The following ANKHD1 variants were observed in gnomAD, a reference collection of about 807,000 sequenced individuals.
ANKHD1 encodes the protein ankyrin repeat and KH domain-containing protein 1.
In ANKHD1, 31 loss-of-function variants were observed where a neutral mutation model predicts 230.5. The ratio of observed to expected loss-of-function variants is 0.13; its 90% CI spans 0.10 to 0.18. The LOEUF (loss-of-function observed/expected upper bound fraction) is 0.18, where lower values mean the gene tolerates loss of function less well. ANKHD1 is among the 10% of genes least tolerant of loss of function. ANKHD1 has a pLI of 1.00. For synonymous variants in ANKHD1, 1,074 were observed against 1,117.6 expected, an observed-to-expected ratio of 0.96 and a Z score of 0.78; for missense variants, 2,256 against 3,071.3, an observed-to-expected ratio of 0.73 and a Z score of 6.27.
chr5:140,496,464 T>TTG, intron 14 of ANKHD1, 56 bp from the exon 15 acceptor site: 2 of 852,194 alleles, frequency 2.3e-6, no homozygotes, highest in Admixed American at 5.2e-5. Context: ...TTCTTTTCTT[T>TTG]TTTTTTTTTT....
At chr5:140,477,426 C>T (rs1751029359) in intron 10 of ANKHD1, among the ~76,000 whole-genome samples, 1 of 151,978 alleles carries the variant, frequency 6.6e-6, no homozygotes, top group Non-Finnish European at 1.5e-5. Context: ...AGTAAATATA[C>T]TTTATATTCT....
intron 7 of ANKHD1, among the ~76,000 whole-genome samples, chr5:140,454,743 G>A (rs755996002): frequency 7.9e-5 from 12 of 152,156 alleles, no homozygotes; most frequent in Non-Finnish European, 1.8e-4. Flanking sequence ...AGCACTAAAT[G>A]TCCACAAGAG....
intron 1 of ANKHD1, among the ~76,000 whole-genome samples, chr5:140,416,101 T>TA (rs1771363151): frequency 6.6e-6 from 1 of 152,188 alleles, no homozygotes; most frequent in Non-Finnish European, 1.5e-5. Context: ...TCCATGTCCC[T>TA]ACAAAGGATA....
At chr5:140,483,927 G>A (rs1159509077) in intron 11 of ANKHD1, among the ~76,000 whole-genome samples, 1 of 152,162 alleles carries the variant, frequency 6.6e-6, no homozygotes, top group African/African-American at 2.4e-5. Context: ...AAACTCTGGA[G>A]TTCTCTTATG....
chr5:140,477,734 C>G (rs559696656), intron 10 of ANKHD1, among the ~76,000 whole-genome samples: 1 of 152,342 alleles, frequency 6.6e-6, no homozygotes, highest in East Asian at 1.9e-4. Flanking sequence ...GCCTCAGCCT[C>G]CCAAGTAGCT....
chr5:140,532,325 T>G (rs560961686), intron 29 of ANKHD1, among the ~76,000 whole-genome samples: 22 of 152,286 alleles, frequency 1.4e-4, no homozygotes, highest in Admixed American at 1.4e-3. Flanking sequence ...ATGATTCCAT[T>G]TATGTGAAAC....
chr5:140,525,834 TAA>T (rs113364890), intron 25 of ANKHD1, among the ~76,000 whole-genome samples, 160 bp from the exon 26 acceptor site: 37 of 126,600 alleles, frequency 2.9e-4, no homozygotes, highest in Non-Finnish European at 3.1e-4. Context: ...AGACTCCATC[TAA>T]AAAAAAAAAA....
intron 1 of ANKHD1, among the ~76,000 whole-genome samples, chr5:140,407,948 G>T (rs943759613): frequency 6.6e-6 from 1 of 152,102 alleles, no homozygotes; most frequent in Non-Finnish European, 1.5e-5. Flanking sequence ...AGGCCAAAGC[G>T]GATGGATCAT....
At chr5:140,519,845 T>C (rs2127074959) in intron 24 of ANKHD1, among the ~76,000 whole-genome samples, 2 of 152,060 alleles carry the variant, frequency 1.3e-5, no homozygotes, top group Admixed American at 1.3e-4. Flanking sequence ...ACCTAGGCAT[T>C]ACCATTCAGG....
intron 10 of ANKHD1, among the ~76,000 whole-genome samples, chr5:140,470,184 A>G (rs1053456919): frequency 1.3e-5 from 2 of 152,090 alleles, no homozygotes; most frequent in African/African-American, 4.8e-5. Flanking sequence ...TGTCTGGATT[A>G]TCATAAAATT....
At chr5:140,537,268 C>A in intron 30 of ANKHD1, 121 bp from the exon 31 acceptor site, 1 of 1,434,884 alleles carries the variant, frequency 7.0e-7, no homozygotes. Flanking sequence ...TAGATCTTTC[C>A]AACAAGGTTT....
chr5:140,429,980 T>C (rs1318686121), intron 1 of ANKHD1, among the ~76,000 whole-genome samples: 1 of 152,218 alleles, frequency 6.6e-6, no homozygotes, highest in African/African-American at 2.4e-5. Flanking sequence ...TCTTGGTAAC[T>C]GTTGCATCCA....
intron 7 of ANKHD1, among the ~76,000 whole-genome samples, chr5:140,454,236 A>C (rs1447053195): frequency 6.6e-6 from 1 of 152,124 alleles, no homozygotes; most frequent in Non-Finnish European, 1.5e-5. Context: ...CTACAAAGAG[A>C]CTTAGACTCC....
chr5:140,489,344 G>A (rs546139856), intron 14 of ANKHD1, among the ~76,000 whole-genome samples: 1 of 152,200 alleles, frequency 6.6e-6, no homozygotes, highest in Non-Finnish European at 1.5e-5. Context: ...TTAAAAATTA[G>A]CCAGTCATGG....
Position 140,410,042 on chromosome 5 carries a change from T to C in ANKHD1, c.306+7769T>C, listed in dbSNP as rs375536468. ...TAAGTATGAGAGGTTTTTGTTGTTA[T>C]TAGTATATTTTCAATAGATAATTAC... On this transcript the variant is annotated intron_variant, in intron 1 of 33. Transcript: ENST00000360839. 1.0e-3 allele frequency among the ~76,000 whole-genome samples: 158 copies of C among 152,252 alleles called. 1 individual carries two copies. In the South Asian group the frequency reaches 0.014, roughly 13 times the overall value.
chr5:140,434,883 T>A (rs1169033489), intron 1 of ANKHD1, among the ~76,000 whole-genome samples: 1 of 152,126 alleles, frequency 6.6e-6, no homozygotes, highest in Non-Finnish European at 1.5e-5. Flanking sequence ...TTTCAGAAAA[T>A]TTTTTAGTGA....
chr5:140,433,846 C>T (rs969262171), intron 1 of ANKHD1, among the ~76,000 whole-genome samples: 5 of 152,018 alleles, frequency 3.3e-5, no homozygotes, highest in African/African-American at 1.2e-4. Context: ...TTTTACCTGT[C>T]CTTCCAACTG....
intron 13 of ANKHD1, among the ~76,000 whole-genome samples, chr5:140,486,397 TATTA>T (rs2127019620): frequency 6.6e-6 from 1 of 152,264 alleles, no homozygotes; most frequent in African/African-American, 2.4e-5. Context: ...CCCAAGGTAG[TATTA>T]ATTATCCTAG....
At chr5:140,520,042 T>G (rs1266006310) in intron 24 of ANKHD1, among the ~76,000 whole-genome samples, 2 of 150,096 alleles carry the variant, frequency 1.3e-5, no homozygotes, top group East Asian at 1.9e-4. Flanking sequence ...GACAAAGGGC[T>G]AATATCCAGA....
Sources: gnomAD v4.1 joint callset for allele counts (sites outside exome capture counted in the v4.1 genomes callset) on GRCh38, gnomAD v4.1.1 for gene constraint, MANE v1.5 for transcripts, NCBI Gene and HGNC (gene_info 2026-07-23, HGNC 2026-07-21) for gene names.